Variants in MYOM2 observed in about 807,000 individuals in gnomAD.
MYOM2 encodes myomesin 2, also known as myomesin-2.
MYOM2 carries 254 observed loss-of-function variants against 187.6 expected under a neutral mutation model. That is an observed-to-expected ratio of 1.35 (90% CI 1.22 to 1.50). MYOM2 has a LOEUF of 1.50. Among genes scored for constraint, MYOM2 ranks in the 40% most tolerant of loss-of-function variants. The probability of loss-of-function intolerance (pLI) is 0.00; values close to 1 mark genes in which losing one functional copy is unlikely to be tolerated. For synonymous variants in MYOM2, 981 were observed against 753.8 expected, an observed-to-expected ratio of 1.30 and a Z score of -4.94; for missense variants, 2,796 against 1,924.0, an observed-to-expected ratio of 1.45 and a Z score of -8.48.
At chr8:2,088,135 T>C (rs1040810968) in intron 14 of MYOM2, among the ~76,000 whole-genome samples, 2 of 152,134 alleles carry the variant, frequency 1.3e-5, no homozygotes, top group Non-Finnish European at 2.9e-5. Context: ...ATTTGAGAGA[T>C]TTTGGTGCAT....
intron 12 of MYOM2, 119 bp downstream of exon 12, chr8:2,079,052 A>G (rs1306801048): frequency 4.5e-6 from 4 of 898,502 alleles, no homozygotes; most frequent in Non-Finnish European, 7.0e-6. Flanking sequence ...CTGTGTGCAG[A>G]GCATAGCACA....
chr8:2,109,625 C>T, intron 25 of MYOM2, 94 bp downstream of exon 25: 2 of 1,349,272 alleles, frequency 1.5e-6, no homozygotes, highest in Non-Finnish European at 2.0e-6. Context: ...CTGTCTGTTT[C>T]CATCCTTTTC....
At chr8:2,048,559 A>ACCAGGGCCAGGG (rs140842274) in intron 1 of MYOM2, among the ~76,000 whole-genome samples, 7 of 152,098 alleles carry the variant, frequency 4.6e-5, no homozygotes, top group African/African-American at 1.7e-4. Context: ...CGATTTCGGT[A>ACCAGGGCCAGGG]CCAGGGCCAG....
chr8:2,049,927 C>G (rs952582636), intron 1 of MYOM2, among the ~76,000 whole-genome samples: 5 of 152,168 alleles, frequency 3.3e-5, no homozygotes, highest in African/African-American at 1.2e-4. Flanking sequence ...CGAATTTCCC[C>G]ACATCCCTGA....
intron 4 of MYOM2, 40 bp from the exon 5 acceptor site, chr8:2,057,583 C>T (rs376286367): frequency 7.4e-6 from 12 of 1,612,886 alleles, no homozygotes; most frequent in East Asian, 4.5e-5. Flanking sequence ...GAGCTTGGCT[C>T]GCTGCCTGGG....
chr8:2,052,341 T>G (rs756569199), intron 3 of MYOM2, 28 bp downstream of exon 3: 8 of 1,574,280 alleles, frequency 5.1e-6, no homozygotes, highest in Non-Finnish European at 6.9e-6. Flanking sequence ...CTGACTCCAC[T>G]TGTGCCCTGC....
chr8:2,116,666 A>C (rs1585933976), intron 27 of MYOM2, among the ~76,000 whole-genome samples: 1 of 152,336 alleles, frequency 6.6e-6, no homozygotes, highest in Non-Finnish European at 1.5e-5. Flanking sequence ...ATATGTTTTA[A>C]ATAGATTGCT....
Position 2,100,896 on chromosome 8 carries a change from T to C in MYOM2, c.2461T>C (p.Phe821Leu), listed in dbSNP as rs777962735. Residue 821 changes from phenylalanine to leucine, a missense_variant, in exon 20 of 37, where the codon TTC becomes CTC. Transcript: ENST00000262113. ...PEPGPAYDLT[F>L]CEVRDTSLVM... ...CACAGGTCCTGCCTACGACTTGACG[T>C]TCTGTGAGGTCAGGGACACGTCCTT... is the stretch of plus-strand genomic sequence containing the variant. 1.9e-6 allele frequency: 3 copies of C among 1,614,004 alleles called. No individual in the cohort carries two copies. In the African/African-American group the frequency reaches 4.0e-5, roughly 22 times the overall value.
At chr8:2,104,329 G>T (rs1796820592) in intron 21 of MYOM2, among the ~76,000 whole-genome samples, 3 of 152,306 alleles carry the variant, frequency 2.0e-5, no homozygotes, top group African/African-American at 7.2e-5. Context: ...GGGCGTGGGT[G>T]TGGTGGCTCA....
intron 24 of MYOM2, 171 bp from the exon 25 acceptor site, chr8:2,109,223 AC>A: frequency 2.6e-6 from 2 of 774,056 alleles, no homozygotes; most frequent in Non-Finnish European, 3.9e-6. Context: ...AGAGGCAACA[AC>A]AGGCCAGCTC....
At chr8:2,140,184 A>T (rs1798224412) in intron 32 of MYOM2, among the ~76,000 whole-genome samples, 1 of 151,906 alleles carries the variant, frequency 6.6e-6, no homozygotes, top group South Asian at 2.1e-4. Context: ...GGCTTATTTT[A>T]CTCAGCAAAA....
At position 2,050,763 on chromosome 8, in the gene MYOM2, C is replaced by A. The variant is rs761817195; in HGVS notation, c.-4C>A. 3.7e-6 allele frequency: 6 copies of A among 1,606,360 alleles called. No individual in the cohort carries two copies. Among genetic ancestry groups the A allele is most frequent in the Admixed American group, 1.7e-5 (1 of 59,958 alleles). On this transcript the variant is annotated 5_prime_UTR_variant, in exon 2 of 37. Transcript: ENST00000262113. ...TGTGACTCTCTTTGTAGGAGCACGC[C>A]AAGATGTCCCTTGTGACTGTCCCCT...
At chr8:2,076,466 G>C in intron 11 of MYOM2, 184 bp downstream of exon 11, 1 of 764,472 alleles carries the variant, frequency 1.3e-6, no homozygotes, top group East Asian at 2.9e-5. Context: ...CAAGTAGGCT[G>C]AGCCCAGCAT....
At chr8:2,109,644 A>G (rs1797004537) in intron 25 of MYOM2, 113 bp downstream of exon 25, 1 of 1,195,060 alleles carries the variant, frequency 8.4e-7, no homozygotes, top group Admixed American at 2.7e-5. Context: ...TCTGAGCCTT[A>G]AAGATTGGGG....
intron 28 of MYOM2, chr8:2,119,415 C>A (rs1349347924): frequency 1.3e-5 from 2 of 152,572 alleles, no homozygotes; most frequent in African/African-American, 4.8e-5. Flanking sequence ...TGGCCTCTGG[C>A]AGGGAGGGAC....
In MYOM2 at chr8:2,052,175, C is replaced by A. The variant is rs768242942; in HGVS notation, c.125C>A (p.Ala42Glu). Residue 42 changes from alanine to glutamate, a missense_variant, in exon 3 of 37, where the codon GCA becomes GAA. Physicochemically the swap from Ala to Glu is moderately radical, Grantham distance 107. Coordinates refer to ENST00000262113, the MANE Select transcript of MYOM2 (RefSeq NM_003970.4). Reference protein sequence around the residue: ...YASKKRASTQASSQKSLSQRS... With the variant: ...YASKKRASTQESSQKSLSQRS... ...TCCTGAAGGCGAGCTTCCACCCAGG[C>A]ATCTTCCCAGAAGTCCTTGAGTCAG... 1 of 1,613,384 alleles carries A rather than the reference C, an allele frequency of 6.2e-7. No individual in the cohort carries two copies. The highest frequency in any genetic ancestry group is 8.5e-7 in the Non-Finnish European group (1 of 1,179,734).
chr8:2,106,449 A>G (rs549208121), intron 22 of MYOM2, 42 bp from the exon 23 acceptor site: 4 of 1,610,484 alleles, frequency 2.5e-6, no homozygotes, highest in South Asian at 1.1e-5. Flanking sequence ...AGTTCCTGCA[A>G]ACAGAAATGA....
At position 2,096,269 on chromosome 8, in the gene MYOM2, G is replaced by T; in HGVS notation, c.2148G>T (p.Gly716=). The T allele has an allele frequency of 1.2e-6, 2 of 1,614,122 alleles. No individual in the cohort carries two copies. The highest frequency in any genetic ancestry group is 1.7e-6 in the Non-Finnish European group (2 of 1,180,022). Residue 716 remains glycine, a synonymous_variant, in exon 18 of 37, where the codon GGG becomes GGT. Transcript: ENST00000262113. ...AALTVPSHPY[G]ITLLNCDGHS... ...CAGCCGTCCCGTCCCATCCTTATGG[G>T]ATTACGCTCCTCAACTGTGACGGCC...
chr8:2,086,743 G>A (rs553321423), intron 14 of MYOM2, among the ~76,000 whole-genome samples: 19 of 152,352 alleles, frequency 1.2e-4, no homozygotes, highest in Admixed American at 5.2e-4. Context: ...CTTCACTGCC[G>A]TGTGGAGGAC....
Sources: gnomAD v4.1 joint callset for allele counts (sites outside exome capture counted in the v4.1 genomes callset) on GRCh38, gnomAD v4.1.1 for gene constraint, MANE v1.5 for transcripts, NCBI Gene and HGNC (gene_info 2026-07-23, HGNC 2026-07-21) for gene names.